CDH23: variants seen among roughly 807,000 people sequenced by gnomAD.
The protein encoded by CDH23 is cadherin-23.
A neutral mutation model predicts 317.1 loss-of-function variants in CDH23; 189 were observed. That is an observed-to-expected ratio of 0.60 (90% CI 0.53 to 0.67). The LOEUF is 0.67. Among genes scored for constraint, CDH23 ranks in the 30% least tolerant of loss-of-function variants. CDH23 has a pLI of 0.00. For missense variants in CDH23, 4,401 were observed against 4,592.4 expected, an observed-to-expected ratio of 0.96 and a Z score of 1.20; for synonymous variants, 1,839 against 1,876.8, an observed-to-expected ratio of 0.98 and a Z score of 0.52.
At chr10:71,584,435 G>C (rs1858888740) in intron 9 of CDH23, among the ~76,000 whole-genome samples, 1 of 152,096 alleles carries the variant, frequency 6.6e-6, no homozygotes, top group Non-Finnish European at 1.5e-5. Context: ...GCCTTCCCTT[G>C]CTTGTCTCTG....
chr10:71,708,347 A>G (rs908241243), intron 26 of CDH23, among the ~76,000 whole-genome samples: 1 of 152,174 alleles, frequency 6.6e-6, no homozygotes, highest in South Asian at 2.1e-4. Flanking sequence ...AGCTGAGCCC[A>G]GTCCTGCCCA....
rs371808677 is a variant in CDH23 at position 71,420,076 on chromosome 10, G to A, written c.-5-19751G>A. The stretch of plus-strand genomic sequence containing the variant: ...GAATTACTTCCTTTAAAAGGCGGGG[G>A]TTGACTGTGTGACTCCAGAGTCCAG... On this transcript the variant is annotated intron_variant, in intron 1 of 69. Coordinates refer to ENST00000224721, the MANE Select transcript of CDH23 (RefSeq NM_022124.6). Among the ~76,000 whole-genome samples the A allele has an allele frequency of 3.9e-5, 6 of 152,310 alleles. No homozygotes were observed. The East Asian group carries it at 9.6e-4, about 24-fold the overall frequency.
intron 1 of CDH23, among the ~76,000 whole-genome samples, chr10:71,405,559 T>C (rs78054122): frequency 6.6e-6 from 1 of 151,342 alleles, no homozygotes; most frequent in Non-Finnish European, 1.5e-5. Context: ...TGCTTCAGCC[T>C]CCCAAGTAGC....
intron 1 of CDH23, among the ~76,000 whole-genome samples, chr10:71,432,872 G>A (rs1324898011): frequency 6.6e-6 from 1 of 152,156 alleles, no homozygotes; most frequent in Non-Finnish European, 1.5e-5. Flanking sequence ...AGCCCAGGGA[G>A]GGGTGTCAGC....
In CDH23 at chr10:71,724,117, T is replaced by C. The variant is rs1400362715; in HGVS notation, c.3430+12T>C. ...CCGCATCCTCCATGGTAAGTGGGGCTGCCCTAGGATGGGGGGCGGTCCTCC... is the reference window on the plus strand; with the variant it reads ...CCGCATCCTCCATGGTAAGTGGGGCCGCCCTAGGATGGGGGGCGGTCCTCC... On this transcript the variant is annotated intron_variant, in intron 29 of 69. Transcript: ENST00000224721. 6.4e-7 allele frequency: 1 copy of C among 1,554,450 alleles called. No homozygotes were observed. Among genetic ancestry groups the C allele is most frequent in the South Asian group, 1.2e-5 (1 of 84,180 alleles).
intron 14 of CDH23, among the ~76,000 whole-genome samples, chr10:71,667,102 G>A (rs7089998): frequency 0.016 from 2,476 of 152,352 alleles, 72 homozygotes; most frequent in African/African-American, 0.057. Context: ...CTGTTGCTGG[G>A]ACCCAGGGCT....
chr10:71,498,618 A>T (rs1390826495), intron 3 of CDH23, among the ~76,000 whole-genome samples: 1 of 152,176 alleles, frequency 6.6e-6, no homozygotes, highest in African/African-American at 2.4e-5. Flanking sequence ...TGCTGAGGGA[A>T]TCAGTGGAGG....
At chr10:71,583,316 C>T (rs1161147143) in intron 9 of CDH23, among the ~76,000 whole-genome samples, 3 of 151,956 alleles carry the variant, frequency 2.0e-5, no homozygotes, top group Non-Finnish European at 1.5e-5. Flanking sequence ...TGTGGAGTGC[C>T]CGGCTCAGGA....
At chr10:71,450,346 G>A (rs1850374851) in intron 3 of CDH23, among the ~76,000 whole-genome samples, 2 of 147,392 alleles carry the variant, frequency 1.4e-5, no homozygotes, top group Admixed American at 6.9e-5. Flanking sequence ...GCTCACTGCA[G>A]CCTCCACCTC....
chr10:71,539,185 A>C (rs1460197462), intron 6 of CDH23, among the ~76,000 whole-genome samples: 2 of 152,234 alleles, frequency 1.3e-5, no homozygotes, highest in African/African-American at 4.8e-5. Context: ...GGACCCATCC[A>C]CGCCGTAGCC....
chr10:71,638,207 T>C (rs1862366416), intron 11 of CDH23, among the ~76,000 whole-genome samples: 1 of 152,120 alleles, frequency 6.6e-6, no homozygotes, highest in African/African-American at 2.4e-5. Flanking sequence ...TTGTCTAAAG[T>C]CACACAGCTA....
At chr10:71,810,124 G>A (rs1412936195) in intron 61 of CDH23, 48 bp downstream of exon 61, 3 of 1,599,870 alleles carry the variant, frequency 1.9e-6, no homozygotes, top group East Asian at 4.5e-5. Flanking sequence ...GGAGAAGGAA[G>A]GGGAGGCCAG....
In CDH23 at chr10:71,779,285, G is replaced by T. The variant is rs1840892867; in HGVS notation, c.5206G>T (p.Asp1736Tyr). ...ATCTCAGGTGCTTGTGAATGTGAAT[G>T]ACATCAACGACAATGTGCCTACCTT... is the stretch of plus-strand genomic sequence containing the variant. ...STTTVLVNVN[D>Y]INDNVPTFPR... Residue 1736 changes from aspartate (D) to tyrosine (Y), a missense_variant, in exon 41 of 70, where the codon GAC (aspartate) becomes TAC (tyrosine). Around this residue, in one of 3 missense-constraint regions of CDH23, gnomAD observed 3,068 missense variants for 3,203.3 expected, o/e 0.96. Coordinates refer to ENST00000224721, the MANE Select transcript of CDH23 (RefSeq NM_022124.6). The T allele has an allele frequency of 6.2e-7, 1 of 1,614,030 alleles. No individual in the cohort carries two copies. The highest frequency in any genetic ancestry group is 8.5e-7 in the Non-Finnish European group (1 of 1,179,902).
chr10:71,627,023 G>T (rs560232855), intron 11 of CDH23, among the ~76,000 whole-genome samples: 4 of 152,240 alleles, frequency 2.6e-5, no homozygotes, highest in African/African-American at 9.6e-5. Flanking sequence ...TTTTGAAAAG[G>T]TTCTCTGGTG....
At position 71,791,123 on chromosome 10, in the gene CDH23, G is replaced by A. The variant is rs367928692; in HGVS notation, c.6050-9G>A. The A allele has an allele frequency of 4.5e-5, 72 of 1,597,464 alleles. No individual in the cohort carries two copies. Among genetic ancestry groups the A allele is most frequent in the South Asian group, 1.4e-4 (12 of 88,738 alleles). ...GTGTGTTTCCCTGGCTGGCGGCACC[G>A]GGTGCCAGGTGTGGTGACCGTGAGG... On this transcript the variant is annotated splice_polypyrimidine_tract_variant and intron_variant, in intron 46 of 69. Coordinates refer to ENST00000224721, the MANE Select transcript of CDH23 (RefSeq NM_022124.6).
chr10:71,567,652 G>A (rs1857486740), intron 7 of CDH23, among the ~76,000 whole-genome samples: 2 of 152,228 alleles, frequency 1.3e-5, no homozygotes, highest in Non-Finnish European at 2.9e-5. Context: ...GACATCTCCA[G>A]GTCTCAAGAA....
At chr10:71,434,155 G>T (rs1487621856) in intron 1 of CDH23, among the ~76,000 whole-genome samples, 1 of 152,160 alleles carries the variant, frequency 6.6e-6, no homozygotes, top group East Asian at 1.9e-4. Context: ...TGCCTGGAAG[G>T]CATTCCTCCC....
At chr10:71,770,834 C>T (rs1306390491) in intron 38 of CDH23, among the ~76,000 whole-genome samples, 1 of 152,160 alleles carries the variant, frequency 6.6e-6, no homozygotes, top group Non-Finnish European at 1.5e-5. Context: ...ACTAGTACAG[C>T]TCAGCAAGGG....
At position 71,704,981 on chromosome 10, in the gene CDH23, G is replaced by C. The variant is rs748194042; in HGVS notation, c.2804G>C (p.Arg935Pro). Residue 935 changes from arginine to proline, a missense_variant, in exon 25 of 70, where the codon CGC becomes CCC. This residue lies in a region of CDH23 where 3,068 missense variants were observed against 3,203.3 expected (regional missense o/e 0.96). Coordinates refer to ENST00000224721, the MANE Select transcript of CDH23 (RefSeq NM_022124.6). ...VSYRMPVGMP[R>P]MDFLINSSSG... Reference sequence around the variant, plus strand: ...TACCGCATGCCGGTGGGCATGCCCCGCATGGACTTCCTCATCAACAGCAGC... The same window carrying C: ...TACCGCATGCCGGTGGGCATGCCCCCCATGGACTTCCTCATCAACAGCAGC... The C allele has an allele frequency of 6.2e-7, 1 of 1,612,820 alleles. No homozygotes were observed. Among genetic ancestry groups the C allele is most frequent in the Non-Finnish European group, 8.5e-7 (1 of 1,179,838 alleles).
Sources: allele counts gnomAD v4.1 joint callset (sites outside exome capture counted in the v4.1 genomes callset), GRCh38; gene constraint gnomAD v4.1.1; regional missense constraint gnomAD v4.1.1; transcripts MANE v1.5; gene names NCBI Gene and HGNC (gene_info 2026-07-23, HGNC 2026-07-21).